Variants in SEMA4A observed in about 807,000 individuals in gnomAD.
SEMA4A encodes semaphorin-4A.
SEMA4A carries 52 observed loss-of-function variants against 72.5 expected under a neutral mutation model. That is an observed-to-expected ratio of 0.72 (90% CI 0.57 to 0.90). The LOEUF (loss-of-function observed/expected upper bound fraction) is 0.90, where lower values mean the gene tolerates loss of function less well. Among genes scored for constraint, SEMA4A ranks in the 40% least tolerant of loss-of-function variants. SEMA4A has a pLI of 0.00. For synonymous variants in SEMA4A, 369 were observed against 393.1 expected (o/e 0.94, Z 0.73); for missense variants, 926 against 959.7 (o/e 0.96, Z 0.46).
intron 10 of SEMA4A, among the ~76,000 whole-genome samples, chr1:156,165,247 G>A (rs963351925): frequency 2.6e-5 from 4 of 152,100 alleles, no homozygotes; most frequent in Admixed American, 6.6e-5. Flanking sequence ...GTCTACTCCC[G>A]GAGCACAGAT....
chr1:156,175,159 G>A lies in SEMA4A; in HGVS notation c.1508G>A (p.Cys503Tyr). ...GCCAACTGTAGTGTCTATGAGAGCT[G>A]TGTGGACTGTGTCCTTGCCCGGGAC... Reference protein sequence around the residue: ...PRANCSVYESCVDCVLARDPH... With the variant: ...PRANCSVYESYVDCVLARDPH... The change falls in exon 13 of 15, where the codon TGT becomes TAT. Residue 503 changes from cysteine (C) to tyrosine (Y), a missense_variant. By Grantham distance (194) the Cys-to-Tyr change is radical (BLOSUM62 -2). Transcript: ENST00000368285. The A allele has an allele frequency of 6.2e-7, 1 of 1,614,186 alleles. No homozygotes were observed. Among genetic ancestry groups the A allele is most frequent in the Non-Finnish European group, 8.5e-7 (1 of 1,180,016 alleles).
intron 2 of SEMA4A, 63 bp downstream of exon 2, chr1:156,154,780 G>T: frequency 6.5e-7 from 1 of 1,544,066 alleles, no homozygotes. Context: ...GGTGGAGGAA[G>T]GAGAGAGGAA....
chr1:156,152,046 G>C (rs1652581414), upstream of SEMA4A, among the ~76,000 whole-genome samples: 1 of 152,074 alleles, frequency 6.6e-6, no homozygotes, highest in African/African-American at 2.4e-5. Flanking sequence ...GAGGGACTAG[G>C]ACTCTGTAGA....
intron 9 of SEMA4A, 196 bp downstream of exon 9, chr1:156,161,714 G>A (rs1653682420): frequency 5.0e-6 from 3 of 604,614 alleles, no homozygotes; most frequent in Non-Finnish European, 8.7e-6. Context: ...AAGACGCAGA[G>A]AGGTTCTAAC....
In SEMA4A at chr1:156,161,339, C is replaced by T. The variant is rs1653634590; in HGVS notation, c.811-7C>T. 4.3e-6 allele frequency: 7 copies of T among 1,609,212 alleles called. No homozygotes were observed. The highest frequency in any genetic ancestry group is 5.9e-6 in the Non-Finnish European group (7 of 1,178,302). ...GGGGCGCCCCCTGACTCCCCCTGTGCCCCCAGAATGACGTGGGCGGCGAAA... is the reference window on the plus strand; with the variant it reads ...GGGGCGCCCCCTGACTCCCCCTGTGTCCCCAGAATGACGTGGGCGGCGAAA... On this transcript the variant is annotated splice_polypyrimidine_tract_variant and splice_region_variant and intron_variant, in intron 8 of 14. Transcript: ENST00000368285.
chr1:156,151,291 C>T (rs547949990), upstream of SEMA4A, among the ~76,000 whole-genome samples: 42 of 152,324 alleles, frequency 2.8e-4, no homozygotes, highest in Admixed American at 1.6e-3. Flanking sequence ...GCACAGGTCT[C>T]GTGCCCACGA....
At chr1:156,166,551 C>A (rs1246393927) in intron 10 of SEMA4A, among the ~76,000 whole-genome samples, 1 of 152,108 alleles carries the variant, frequency 6.6e-6, no homozygotes, top group Non-Finnish European at 1.5e-5. Flanking sequence ...TGGTTGTGTT[C>A]TATTTTTCTG....
chr1:156,162,737 T>C lies in SEMA4A; in HGVS notation c.984-207T>C, dbSNP rs192699230. On this transcript the variant is annotated intron_variant, in intron 9 of 14. Transcript: ENST00000368285. ...CAGACTTCAGATCCCAAGATGGGCCTAGAGCCAGGCCCTGGGCCAGAGTCA... is the reference window on the plus strand; with the variant it reads ...CAGACTTCAGATCCCAAGATGGGCCCAGAGCCAGGCCCTGGGCCAGAGTCA... Among the ~76,000 whole-genome samples the C allele has an allele frequency of 2.2e-4, 33 of 152,388 alleles. No homozygotes were observed. The East Asian group carries it at 5.4e-3, about 25-fold the overall frequency.
At chr1:156,148,504 G>A (rs1652270905), upstream of SEMA4A, among the ~76,000 whole-genome samples, 1 of 152,224 alleles carries the variant, frequency 6.6e-6, no homozygotes. Context: ...CAGATATGAA[G>A]GGGAAGCAGT....
chr1:156,177,256 T>C lies in SEMA4A; in HGVS notation c.*259T>C, dbSNP rs1655447092. 3.6e-6 allele frequency: 2 copies of C among 558,378 alleles called. No individual in the cohort carries two copies. Among genetic ancestry groups the C allele is most frequent in the Non-Finnish European group, 3.2e-6 (1 of 309,536 alleles). 34.6% of individuals were successfully genotyped at this position (558,378 alleles called of 1,614,324 possible). ...ACCCCCAGACCTGCTCCTACACTGA[T>C]ATTGAAGAACCTGGAGAGGATCCTT... On this transcript the variant is annotated 3_prime_UTR_variant, in exon 15 of 15. Transcript: ENST00000368285.
In SEMA4A at chr1:156,175,121, G is replaced by A; in HGVS notation, c.1470G>A (p.Trp490Ter). ...AVFVGFSGGV[W>*]RVPRANCSVY... is the part of the protein sequence containing the mutation. ...TTGTAGGCTTCTCAGGAGGTGTCTGGAGGGTGCCCCGAGCCAACTGTAGTG... is the reference window on the plus strand; with the variant it reads ...TTGTAGGCTTCTCAGGAGGTGTCTGAAGGGTGCCCCGAGCCAACTGTAGTG... Residue 490 changes from tryptophan (W) to a stop codon, truncating the protein, a stop_gained, in exon 13 of 15, where the codon TGG (tryptophan) becomes TGA (stop). Coordinates refer to ENST00000368285, the MANE Select transcript of SEMA4A (RefSeq NM_022367.4). LOFTEE classifies it high-confidence loss of function. The A allele has an allele frequency of 6.2e-7, 1 of 1,614,182 alleles. No individual in the cohort carries two copies. Among genetic ancestry groups the A allele is most frequent in the Non-Finnish European group, 8.5e-7 (1 of 1,180,034 alleles).
Position 156,162,805 on chromosome 1 carries a change from G to A in SEMA4A, c.984-139G>A. On this transcript the variant is annotated intron_variant, in intron 9 of 14. Transcript: ENST00000368285. Reference sequence around the variant, plus strand: ...CCCTTGGCCCTTATCAACACAGTGAGGGGAAGGAGTGGTAGCTGGAGGCTG... The same window carrying A: ...CCCTTGGCCCTTATCAACACAGTGAAGGGAAGGAGTGGTAGCTGGAGGCTG... 6.8e-6 allele frequency: 7 copies of A among 1,030,868 alleles called. 1 individual carries two copies. The highest frequency in any genetic ancestry group is 5.3e-5 in the South Asian group (4 of 74,798). The allele number at this position is 1,030,868 out of a possible 1,614,324, so 63.9% of individuals were successfully genotyped here.
At position 156,177,053 on chromosome 1, in the gene SEMA4A, G is replaced by C; in HGVS notation, c.*56G>C. 2 of 1,490,994 alleles carry C rather than the reference G, an allele frequency of 1.3e-6. No individual in the cohort carries two copies. The highest frequency in any genetic ancestry group is 1.8e-6 in the Non-Finnish European group (2 of 1,083,358). The allele number at this position is 1,490,994 out of a possible 1,614,324, so 92.4% of individuals were successfully genotyped here. On this transcript the variant is annotated 3_prime_UTR_variant, in exon 15 of 15. Transcript: ENST00000368285. ...GGCACCTGGCCATGCTGGCTGGGCG[G>C]CCCAAGCACAGCCCTGACTAGGATG...
rs942771980 is a variant in SEMA4A at position 156,177,502 on chromosome 1, C to G, written c.*505C>G. ...GATCTGCTCCCTCCTGCTTCCCTTA[C>G]CAGTCGTGCACCGCTGACTCCCAGG... On this transcript the variant is annotated 3_prime_UTR_variant, in exon 15 of 15. Transcript: ENST00000368285. 1 of 220,624 alleles carries G rather than the reference C, an allele frequency of 4.5e-6. No homozygotes were observed. Among genetic ancestry groups the G allele is most frequent in the Non-Finnish European group, 9.2e-6 (1 of 108,478 alleles). 13.7% of individuals were successfully genotyped at this position (220,624 alleles called of 1,614,324 possible).
chr1:156,158,921 A>C (rs1452615390), intron 6 of SEMA4A, 97 bp downstream of exon 6: 1 of 1,088,710 alleles, frequency 9.2e-7, no homozygotes, highest in Non-Finnish European at 1.4e-6. Context: ...GGCAGGGGAA[A>C]CTGGGTGTGG....
At chr1:156,148,383 C>T (rs1263203839), upstream of SEMA4A, among the ~76,000 whole-genome samples, 3 of 152,188 alleles carry the variant, frequency 2.0e-5, no homozygotes, top group African/African-American at 4.8e-5. Flanking sequence ...GGTGGAGTGT[C>T]AGGAATCAGT....
At chr1:156,173,134 C>G in intron 11 of SEMA4A, 128 bp downstream of exon 11, 1 of 966,080 alleles carries the variant, frequency 1.0e-6, no homozygotes. Context: ...CTGCTATGTG[C>G]CTGGCATTCT....
chr1:156,161,527 C>T lies in SEMA4A; in HGVS notation c.983+9C>T, dbSNP rs1045725302. On this transcript the variant is annotated intron_variant, in intron 9 of 14. Coordinates refer to ENST00000368285, the MANE Select transcript of SEMA4A (RefSeq NM_022367.4). ...GTCTTCACCTCCCAGTGGTGAGCAG[C>T]AGGGCTGGACCATGGGGGCTGGACA... 6.2e-7 allele frequency: 1 copy of T among 1,613,482 alleles called. No homozygotes were observed. The highest frequency in any genetic ancestry group is 1.3e-5 in the African/African-American group (1 of 74,906).
At chr1:156,173,325 G>A (rs975107412) in intron 11 of SEMA4A, among the ~76,000 whole-genome samples, 6 of 152,146 alleles carry the variant, frequency 3.9e-5, no homozygotes, top group East Asian at 1.9e-4. Flanking sequence ...GCTGGAAACC[G>A]CACATGTAGA....
Sources: gnomAD v4.1 joint callset for allele counts (sites outside exome capture counted in the v4.1 genomes callset) on GRCh38, gnomAD v4.1.1 for gene constraint, MANE v1.5 for transcripts, NCBI Gene and HGNC (gene_info 2026-07-23, HGNC 2026-07-21) for gene names.